Variants in IGF2BP1 observed in about 807,000 individuals in gnomAD.
The protein encoded by IGF2BP1 is insulin like growth factor 2 mRNA binding protein 1.
IGF2BP1 carries 11 observed loss-of-function variants against 74.9 expected under a neutral mutation model. The observed-to-expected ratio is 0.15, with a 90% CI of 0.09 to 0.24. The LOEUF is 0.24. Among genes scored for constraint, IGF2BP1 ranks in the 10% least tolerant of loss-of-function variants. The probability of loss-of-function intolerance (pLI) is 1.00; values close to 1 mark genes in which losing one functional copy is unlikely to be tolerated. For missense variants in IGF2BP1, 440 were observed against 757.4 expected, an observed-to-expected ratio of 0.58 and a Z score of 4.92; for synonymous variants, 287 against 281.8, an observed-to-expected ratio of 1.02 and a Z score of -0.18.
chr17:49,027,236 G>C lies in IGF2BP1; in HGVS notation c.337+719G>C, dbSNP rs77445181. ...AACAAAGCCACTCCTTCCCAGCCTGGAGTCTCCAGGCTCTTAGGGATCAAC... is the reference window on the plus strand; with the variant it reads ...AACAAAGCCACTCCTTCCCAGCCTGCAGTCTCCAGGCTCTTAGGGATCAAC... On this transcript the variant is annotated intron_variant, in intron 4 of 14. Transcript: ENST00000290341. 5.1e-3 allele frequency among the ~76,000 whole-genome samples: 784 copies of C among 152,260 alleles called. 10 individuals are homozygous for C. The highest frequency in any genetic ancestry group is 0.017 in the African/African-American group (716 of 41,548).
chr17:49,029,351 G>A (rs2041894967), intron 4 of IGF2BP1, among the ~76,000 whole-genome samples: 2 of 152,106 alleles, frequency 1.3e-5, no homozygotes, highest in African/African-American at 2.4e-5. Context: ...GTGGTGGCTC[G>A]TGCCTGTAAT....
chr17:49,043,975 C>T lies in IGF2BP1; in HGVS notation c.1209C>T (p.Pro403=), dbSNP rs201936728. The part of the protein sequence containing the change: ...AAPYSSFMQA[P]EQEMVQVFIP... ...GCCTCCTATCCTGGCAGCAGGCTCC[C>T]GAGCAGGAGATGGTGCAGGTGTTTA... The change falls in exon 11 of 15, where the codon CCC becomes CCT. Residue 403 remains proline, a synonymous_variant. Transcript: ENST00000290341. 26 of 1,613,664 alleles carry T rather than the reference C, an allele frequency of 1.6e-5. No homozygotes were observed. The highest frequency in any genetic ancestry group is 4.4e-5 in the South Asian group (4 of 91,052).
At chr17:49,029,516 T>G (rs9899580) in intron 4 of IGF2BP1, among the ~76,000 whole-genome samples, 51,301 of 152,056 alleles carry the variant, frequency 0.34, 9,204 homozygotes, top group African/African-American at 0.42. Context: ...CTCAGTGTTG[T>G]GGGGGGCAGA....
intron 2 of IGF2BP1, among the ~76,000 whole-genome samples, chr17:49,008,111 A>G (rs2041571957): frequency 6.6e-6 from 1 of 151,874 alleles, no homozygotes; most frequent in Admixed American, 6.6e-5. Context: ...GGCAGAGGTT[A>G]CAGTGAGCAG....
chr17:49,019,955 TACACACACAC>T (rs61213607), intron 2 of IGF2BP1, among the ~76,000 whole-genome samples: 13 of 78,464 alleles, frequency 1.7e-4, no homozygotes, highest in Non-Finnish European at 2.5e-4. Context: ...TATATTTATA[TACACACACAC>T]ACACACACAC....
chr17:49,046,125 C>T, intron 13 of IGF2BP1, 104 bp downstream of exon 13: 1 of 1,488,012 alleles, frequency 6.7e-7, no homozygotes, highest in Admixed American at 1.8e-5. Context: ...CTGATTTGCT[C>T]ATTTACTTGA....
Position 49,045,968 on chromosome 17 carries a change from A to G in IGF2BP1, c.1474A>G (p.Ile492Val). Residue 492 changes from isoleucine to valine, a missense_variant, in exon 13 of 15, where the codon ATA (isoleucine) becomes GTA (valine). Around this residue, in one of 5 missense-constraint regions of IGF2BP1, gnomAD observed 117 missense variants for 237.2 expected, o/e 0.49. Coordinates refer to ENST00000290341, the MANE Select transcript of IGF2BP1 (RefSeq NM_006546.4). ...GGAGGAAGTGAAGCTGGAGACCCAC[A>G]TACGTGTGCCAGCATCAGCAGCTGG... is the stretch of plus-strand genomic sequence containing the variant. The part of the protein sequence containing the change: ...PKEEVKLETH[I>V]RVPASAAGRV... 1 of 1,614,184 alleles carries G rather than the reference A, an allele frequency of 6.2e-7. No homozygotes were observed. Among genetic ancestry groups the G allele is most frequent in the South Asian group, 1.1e-5 (1 of 91,078 alleles).
In IGF2BP1 at chr17:48,997,877, C is replaced by T. The variant is rs955457423; in HGVS notation, c.132C>T (p.Cys44=). The change falls in exon 1 of 15, where the codon TGC becomes TGT. Residue 44 remains cysteine, a synonymous_variant. Coordinates refer to ENST00000290341, the MANE Select transcript of IGF2BP1 (RefSeq NM_006546.4). The surrounding 1 kb of genome is among the most constrained non-coding windows in gnomAD (Gnocchi z 4.8). ...LVKSGYAFVD[C]PDEHWAMKAI... ...AATCCGGCTACGCCTTCGTGGACTG[C>T]CCGGACGAGCACTGGGCGATGAAGG... is the stretch of plus-strand genomic sequence containing the variant. The T allele has an allele frequency of 2.0e-5, 32 of 1,614,018 alleles. No homozygotes were observed. The highest frequency in any genetic ancestry group is 2.7e-5 in the Non-Finnish European group (32 of 1,180,018).
chr17:49,037,104 A>G, intron 5 of IGF2BP1: 1 of 341,030 alleles, frequency 2.9e-6, no homozygotes, highest in South Asian at 3.2e-5. Context: ...ATTTTATATA[A>G]AAAACAATGG....
rs760862684 is a variant in IGF2BP1 at position 49,038,375 on chromosome 17, C to T, written c.609C>T (p.Pro203=). The change falls in exon 6 of 15, where the codon CCC becomes CCT. Residue 203 remains proline, a synonymous_variant. Coordinates refer to ENST00000290341, the MANE Select transcript of IGF2BP1 (RefSeq NM_006546.4). The part of the protein sequence containing the change: ...QVDIPLRLLV[P]TQYVGAIIGK... ...ACATCCCCCTTCGGCTCCTGGTGCCCACCCAGTATGTGGGTGCCATTATTG... is the reference window on the plus strand; with the variant it reads ...ACATCCCCCTTCGGCTCCTGGTGCCTACCCAGTATGTGGGTGCCATTATTG... 7.1e-5 allele frequency: 113 copies of T among 1,601,874 alleles called. No individual in the cohort carries two copies. In the East Asian group the frequency reaches 9.7e-4, roughly 14 times the overall value.
At position 49,024,083 on chromosome 17, in the gene IGF2BP1, ATTTTTTTTTTTTTTTTT is replaced by A. The variant is rs765273098; in HGVS notation, c.237-1523_237-1507del. Among the ~76,000 whole-genome samples the A allele has an allele frequency of 1.0e-4, 8 of 78,104 alleles. No homozygotes were observed. The South Asian group carries it at 3.3e-3, about 33-fold the overall frequency. The allele number at this position is 78,104 out of a possible 152,430, so 51.2% of individuals were successfully genotyped here. A position where few individuals can be genotyped will look rare whatever the true frequency, so the allele number is the denominator to read the frequency against. ...AGGCACGTGCCACCACACCCTGCTA[ATTTTTTTTTTTTTTTTT>A]TTTTTTTTTTTGTAGAGAGGAGGTT... On this transcript the variant is annotated intron_variant, in intron 2 of 14. Transcript: ENST00000290341.
In IGF2BP1 at chr17:49,055,355, C is replaced by T. The variant is rs2042215082; in HGVS notation, c.*5911C>T. 1 of 317,308 alleles carries T rather than the reference C, an allele frequency of 3.2e-6. No individual in the cohort carries two copies. Among genetic ancestry groups the T allele is most frequent in the Non-Finnish European group, 5.7e-6 (1 of 174,102 alleles). 19.7% of individuals were successfully genotyped at this position (317,308 alleles called of 1,614,324 possible). A position where few individuals can be genotyped will look rare whatever the true frequency, so the allele number is the denominator to read the frequency against. ...CCCTGGCCTGTCTCACCCCATCCCCCACCCTATTCCTGCCAGTGAGTCCTT... is the reference window on the plus strand; with the variant it reads ...CCCTGGCCTGTCTCACCCCATCCCCTACCCTATTCCTGCCAGTGAGTCCTT... On this transcript the variant is annotated 3_prime_UTR_variant, in exon 15 of 15. Transcript: ENST00000290341.
chr17:49,038,826 A>G (rs973500532), intron 6 of IGF2BP1, among the ~76,000 whole-genome samples: 2 of 151,186 alleles, frequency 1.3e-5, no homozygotes, highest in Admixed American at 1.3e-4. Flanking sequence ...TAGGACCTTC[A>G]TAATTGTGTC....
intron 2 of IGF2BP1, chr17:49,017,998 G>C (rs918391425): frequency 6.6e-6 from 1 of 151,954 alleles, no homozygotes; most frequent in Non-Finnish European, 1.5e-5. Flanking sequence ...CCTGACCTCA[G>C]GTGATCCACC....
chr17:49,025,791 C>A, intron 3 of IGF2BP1, 125 bp downstream of exon 3: 4 of 633,296 alleles, frequency 6.3e-6, no homozygotes, highest in African/African-American at 3.8e-5. Context: ...GCCTGGGTCT[C>A]ATCCTTTCTT....
intron 2 of IGF2BP1, among the ~76,000 whole-genome samples, chr17:49,008,317 G>T (rs150905211): frequency 2.0e-5 from 3 of 152,312 alleles, no homozygotes; most frequent in Non-Finnish European, 2.9e-5. Flanking sequence ...AGATTCAGAA[G>T]AATAATCTTG....
In IGF2BP1 at chr17:49,052,788, A is replaced by G. The variant is rs954173522; in HGVS notation, c.*3344A>G. On this transcript the variant is annotated 3_prime_UTR_variant, in exon 15 of 15. Coordinates refer to ENST00000290341, the MANE Select transcript of IGF2BP1 (RefSeq NM_006546.4). Reference sequence around the variant, plus strand: ...ACTTGGGAGATTTGGATGATTTGAGAAGAGTGACTTAAAAAAAATGCTTCT... The same window carrying G: ...ACTTGGGAGATTTGGATGATTTGAGGAGAGTGACTTAAAAAAAATGCTTCT... The G allele has an allele frequency of 1.3e-5, 2 of 152,582 alleles. No homozygotes were observed. Among genetic ancestry groups the G allele is most frequent in the Admixed American group, 6.5e-5 (1 of 15,274 alleles). 9.5% of individuals were successfully genotyped at this position (152,582 alleles called of 1,614,324 possible).
intron 2 of IGF2BP1, among the ~76,000 whole-genome samples, chr17:49,016,912 C>A (rs9902512): frequency 7.3e-5 from 11 of 149,730 alleles, no homozygotes; most frequent in Non-Finnish European, 1.5e-4. Flanking sequence ...CCTCCCCTCC[C>A]CGCCCCCGCC....
At chr17:48,999,062 A>G (rs2041449273) in intron 1 of IGF2BP1, 47 bp from the exon 2 acceptor site, 1 of 1,157,558 alleles carries the variant, frequency 8.6e-7, no homozygotes, top group South Asian at 1.2e-5. Context: ...TCCCACCCCC[A>G]ACCCCTGTTC....
Sources: gnomAD v4.1 joint callset for allele counts (sites outside exome capture counted in the v4.1 genomes callset) on GRCh38, gnomAD v4.1.1 for gene constraint, gnomAD v4.1.1 regional missense constraint, Gnocchi (gnomAD v3.1) non-coding constraint, MANE v1.5 for transcripts, NCBI Gene and HGNC (gene_info 2026-07-23, HGNC 2026-07-21) for gene names.